Variants in ANKRD36 observed in about 807,000 individuals in gnomAD.
ANKRD36 encodes ankyrin repeat domain-containing protein 36A.
ANKRD36 carries 179 observed loss-of-function variants against 278.1 expected under a neutral mutation model. The observed-to-expected ratio is 0.64, with a 90% CI of 0.57 to 0.73. The LOEUF (loss-of-function observed/expected upper bound fraction) is 0.73, where lower values mean the gene tolerates loss of function less well. ANKRD36 is among the 30% of genes least tolerant of loss of function. The pLI is 0.00. For missense variants in ANKRD36, 1,159 were observed against 1,956.7 expected (o/e 0.59, Z 7.69); for synonymous variants, 320 against 641.1 (o/e 0.50, Z 7.57).
chr2:97,113,910 C>G lies in ANKRD36; in HGVS notation c.171C>G (p.Asp57Glu), dbSNP rs2034301696. ...KLKYLLLTYY[D>E]ANKRDRKERT... ...AGTACCTTCTGCTCACGTATTATGA[C>G]GCCAATAAGAGAGACAGGAAGGAAA... is the stretch of plus-strand genomic sequence containing the variant. The change falls in exon 1 of 76, where the codon GAC becomes GAG. Residue 57 changes from aspartate to glutamate, a missense_variant. Transcript: ENST00000420699. 1 of 1,612,764 alleles carries G rather than the reference C, an allele frequency of 6.2e-7. No homozygotes were observed.
At chr2:97,205,705 G>A (rs4524160) in intron 50 of ANKRD36, among the ~76,000 whole-genome samples, 90,125 of 151,022 alleles carry the variant, frequency 0.6, 30,440 homozygotes, top group Non-Finnish European at 0.78. Context: ...TTTAGTTTTC[G>A]ACATATGAGA....
chr2:97,225,280 G>T (rs908632735), intron 67 of ANKRD36, among the ~76,000 whole-genome samples: 4 of 151,970 alleles, frequency 2.6e-5, no homozygotes, highest in African/African-American at 4.8e-5. Context: ...AAACTTTGCA[G>T]TTTTTTTATT....
At chr2:97,136,390 G>A (rs2443896) in intron 6 of ANKRD36, among the ~76,000 whole-genome samples, 1 of 151,670 alleles carries the variant, frequency 6.6e-6, no homozygotes, top group Non-Finnish European at 1.5e-5. Flanking sequence ...ACTGGTAAAT[G>A]TGTTTCCATG....
In ANKRD36 at chr2:97,186,968, A is replaced by G. The variant is rs2057531308; in HGVS notation, c.2042-230A>G. ...ACTGATTTATTTTTCTTTTAGATAT[A>G]CGAGAAATCATATTATGTTTGAAAT... On this transcript the variant is annotated intron_variant, in intron 30 of 75. Coordinates refer to ENST00000420699, the MANE Select transcript of ANKRD36 (RefSeq NM_001354587.1). Among the ~76,000 whole-genome samples, 2 of 151,912 alleles carry G rather than the reference A, an allele frequency of 1.3e-5. 1 individual carries two copies. Among genetic ancestry groups the G allele is most frequent in the South Asian group, 4.2e-4 (2 of 4,792 alleles).
At chr2:97,160,980 T>C (rs1190287293) in intron 17 of ANKRD36, among the ~76,000 whole-genome samples, 2 of 151,936 alleles carry the variant, frequency 1.3e-5, no homozygotes, top group Non-Finnish European at 2.9e-5. Flanking sequence ...TATAGAAATA[T>C]ATAATTGAAA....
intron 6 of ANKRD36, among the ~76,000 whole-genome samples, chr2:97,139,841 T>C (rs1004935926): frequency 1.3e-5 from 2 of 151,990 alleles, no homozygotes; most frequent in Non-Finnish European, 2.9e-5. Context: ...ATGGTCAAAG[T>C]GTTACTTGTC....
At chr2:97,172,575 T>C (rs2052906408) in intron 22 of ANKRD36, among the ~76,000 whole-genome samples, 1 of 152,024 alleles carries the variant, frequency 6.6e-6, no homozygotes, top group African/African-American at 2.4e-5. Context: ...GCATGTCTTT[T>C]TGACATGTCC....
At chr2:97,202,763 A>G (rs1386990252) in intron 48 of ANKRD36, among the ~76,000 whole-genome samples, 1 of 151,816 alleles carries the variant, frequency 6.6e-6, no homozygotes, top group Non-Finnish European at 1.5e-5. Flanking sequence ...CTAAAAACAG[A>G]CAGAAAACTT....
intron 52 of ANKRD36, among the ~76,000 whole-genome samples, chr2:97,206,600 G>A (rs767831008): frequency 2.0e-5 from 3 of 151,462 alleles, no homozygotes; most frequent in Non-Finnish European, 4.4e-5. Flanking sequence ...GGATTGTGAG[G>A]CAGGAAGGTG....
chr2:97,140,059 A>G (rs1323222771), intron 6 of ANKRD36, among the ~76,000 whole-genome samples: 1 of 151,756 alleles, frequency 6.6e-6, no homozygotes. Flanking sequence ...TCTCTTCTGA[A>G]AACTGTAAAT....
intron 54 of ANKRD36, among the ~76,000 whole-genome samples, chr2:97,208,367 C>T (rs1348515261): frequency 6.8e-6 from 1 of 146,426 alleles, no homozygotes; most frequent in Non-Finnish European, 1.5e-5. Context: ...CTCGTACTGC[C>T]AAGAAAAGAC....
intron 22 of ANKRD36, among the ~76,000 whole-genome samples, chr2:97,173,201 T>C (rs1471609136): frequency 6.6e-6 from 1 of 151,676 alleles, no homozygotes; most frequent in Non-Finnish European, 1.5e-5. Flanking sequence ...AGTGGTGTTA[T>C]GGGTAGTTAA....
intron 22 of ANKRD36, among the ~76,000 whole-genome samples, chr2:97,171,685 A>T (rs2052576372): frequency 6.6e-6 from 1 of 150,390 alleles, no homozygotes; most frequent in African/African-American, 2.4e-5. Flanking sequence ...CATGTACCCT[A>T]AAACTTAAAG....
chr2:97,118,334 A>C lies in ANKRD36; in HGVS notation c.313-10A>C. On this transcript the variant is annotated splice_polypyrimidine_tract_variant and intron_variant, in intron 2 of 75. Coordinates refer to ENST00000420699, the MANE Select transcript of ANKRD36 (RefSeq NM_001354587.1). Reference sequence around the variant, plus strand: ...CAGTATTTGCATGTTTCTCGGTCTAATACTGACAGGCTGTACAACTGAGGC... The same window carrying C: ...CAGTATTTGCATGTTTCTCGGTCTACTACTGACAGGCTGTACAACTGAGGC... 6.2e-7 allele frequency: 1 copy of C among 1,611,216 alleles called. No individual in the cohort carries two copies. Among genetic ancestry groups the C allele is most frequent in the Non-Finnish European group, 8.5e-7 (1 of 1,178,724 alleles).
chr2:97,123,288 TGTG>T (rs1456156392), intron 4 of ANKRD36, among the ~76,000 whole-genome samples: 1 of 145,336 alleles, frequency 6.9e-6, no homozygotes, highest in African/African-American at 2.5e-5. Flanking sequence ...TGTAATATGA[TGTG>T]GTGTTATTTA....
chr2:97,174,186 C>T (rs1475738275), intron 22 of ANKRD36, among the ~76,000 whole-genome samples: 4 of 151,588 alleles, frequency 2.6e-5, no homozygotes, highest in Admixed American at 1.3e-4. Flanking sequence ...CAAAAGTGGA[C>T]GAAGAGACAG....
intron 67 of ANKRD36, among the ~76,000 whole-genome samples, chr2:97,227,644 C>G (rs2070335198): frequency 6.6e-6 from 1 of 152,102 alleles, no homozygotes; most frequent in Non-Finnish European, 1.5e-5. Context: ...TGGCCCTAAC[C>G]AGAACTTCCA....
chr2:97,202,429 C>T, intron 48 of ANKRD36, 36 bp downstream of exon 48: 2 of 1,542,270 alleles, frequency 1.3e-6, no homozygotes, highest in Non-Finnish European at 1.7e-6. Flanking sequence ...CATGTTCAGT[C>T]CAGGTAGATA....
intron 42 of ANKRD36, among the ~76,000 whole-genome samples, chr2:97,197,543 A>C (rs1466300219): frequency 1.3e-5 from 2 of 151,892 alleles, no homozygotes; most frequent in Admixed American, 6.6e-5. Context: ...TTGTTCAAGG[A>C]GCTACCTCTT....
Sources: gnomAD v4.1 joint callset for allele counts (sites outside exome capture counted in the v4.1 genomes callset) on GRCh38, gnomAD v4.1.1 for gene constraint, MANE v1.5 for transcripts, NCBI Gene and HGNC (gene_info 2026-07-23, HGNC 2026-07-21) for gene names.